The following SP6 variants were observed in gnomAD, a reference collection of about 807,000 sequenced individuals.
The protein encoded by SP6 is transcription factor Sp6.
SP6 carries 10 observed loss-of-function variants against 23.4 expected under a neutral mutation model. The ratio of observed to expected loss-of-function variants is 0.43; its 90% CI spans 0.26 to 0.72. SP6 has a LOEUF of 0.72. Among genes scored for constraint, SP6 ranks in the 30% least tolerant of loss-of-function variants. The pLI is 0.23. For missense variants in SP6, 482 were observed against 523.8 expected (o/e 0.92, Z 0.78); for synonymous variants, 238 against 238.7 (o/e 1.00, Z 0.03).
At chr17:47,867,061 G>A in the SP6 span, among the ~76,000 whole-genome samples, 52 of 152,276 alleles carry the variant, frequency 3.4e-4, no homozygotes, top group African/African-American at 1.0e-3. Flanking sequence ...TTGTGCGGCC[G>A]GCTGGGACGT....
At position 47,846,531 on chromosome 17, in the gene SP6, T is replaced by G. The variant is rs1795877000; in HGVS notation, c.*768A>C. 2 of 152,036 alleles carry G rather than the reference T, an allele frequency of 1.3e-5. No individual in the cohort carries two copies. Among genetic ancestry groups the G allele is most frequent in the Non-Finnish European group, 2.9e-5 (2 of 67,988 alleles). 9.4% of individuals were successfully genotyped at this position (152,036 alleles called of 1,614,324 possible). The stretch of plus-strand genomic sequence containing the variant: ...TTAGTTCCTTCCATACCCCACCAAA[T>G]CCCTATCTCTCATTTTAGAAGAGGA... On this transcript the variant is annotated 3_prime_UTR_variant, in exon 2 of 2. Coordinates refer to ENST00000536300, the MANE Select transcript of SP6 (RefSeq NM_001258248.2).
rs1317366544 is a variant in SP6 at position 47,848,453 on chromosome 17, G to A, written c.-24C>T. 2 of 1,475,224 alleles carry A rather than the reference G, an allele frequency of 1.4e-6. No homozygotes were observed. Among genetic ancestry groups the A allele is most frequent in the Non-Finnish European group, 9.0e-7 (1 of 1,110,200 alleles). The allele number at this position is 1,475,224 out of a possible 1,614,324, so 91.4% of individuals were successfully genotyped here. ...ATTGCCGGGATCCGGGGTGGGGTGAGGGCAGGGACGGTCAGGGGCACCTCA... is the reference window on the plus strand; with the variant it reads ...ATTGCCGGGATCCGGGGTGGGGTGAAGGCAGGGACGGTCAGGGGCACCTCA... On this transcript the variant is annotated 5_prime_UTR_variant, in exon 2 of 2. Coordinates refer to ENST00000536300, the MANE Select transcript of SP6 (RefSeq NM_001258248.2). This position sits in a 1 kb window ranked among gnomAD's most constrained non-coding sequence, Gnocchi z 5.3.
chr17:47,875,612 C>CTGT, the SP6 span, among the ~76,000 whole-genome samples: 1 of 152,234 alleles, frequency 6.6e-6, no homozygotes, highest in East Asian at 1.9e-4. Context: ...AGCAGCAACG[C>CTGT]TGGATGGCCC....
chr17:47,852,039 C>G (rs963841414), upstream of SP6, among the ~76,000 whole-genome samples: 3 of 152,114 alleles, frequency 2.0e-5, no homozygotes, highest in African/African-American at 7.2e-5. Context: ...CCCTCGCCCC[C>G]GAGCACCCGG....
the SP6 span, among the ~76,000 whole-genome samples, chr17:47,872,271 A>G: frequency 6.6e-6 from 1 of 152,000 alleles, no homozygotes; most frequent in East Asian, 1.9e-4. Flanking sequence ...CGGGTTGGGG[A>G]TGTATCCAAA....
chr17:47,872,458 C>T, the SP6 span, among the ~76,000 whole-genome samples: 1 of 152,086 alleles, frequency 6.6e-6, no homozygotes, highest in Non-Finnish European at 1.5e-5. Flanking sequence ...AGCTACAGGC[C>T]GGGCGGGGGT....
chr17:47,858,309 T>G (rs1257747608), upstream of SP6, among the ~76,000 whole-genome samples: 4 of 152,060 alleles, frequency 2.6e-5, no homozygotes, highest in Non-Finnish European at 5.9e-5. Flanking sequence ...CACCAACTGC[T>G]TTCTGCTTTC....
chr17:47,847,590 G>C lies in SP6; in HGVS notation c.840C>G (p.Gly280=), dbSNP rs763720175. The change falls in exon 2 of 2, where the codon GGC becomes GGG. Residue 280 remains glycine (G), a synonymous_variant. Coordinates refer to ENST00000536300, the MANE Select transcript of SP6 (RefSeq NM_001258248.2). ...HLKAHLRWHS[G]DRPFVCNWLF... ...GCCAGTTGCACACGAAGGGACGGTC[G>C]CCGCTGTGCCAGCGCAGGTGCGCCT... is the stretch of plus-strand genomic sequence containing the variant. The C allele has an allele frequency of 1.9e-6, 3 of 1,613,500 alleles. No individual in the cohort carries two copies. The highest frequency in any genetic ancestry group is 2.5e-6 in the Non-Finnish European group (3 of 1,179,968).
rs1349322424 is a variant in SP6 at position 47,846,429 on chromosome 17, G to C, written c.*870C>G. The C allele has an allele frequency of 2.0e-5, 3 of 152,214 alleles. No homozygotes were observed. In the East Asian group the frequency reaches 5.8e-4, roughly 29 times the overall value. The allele number at this position is 152,214 out of a possible 1,614,324, so 9.4% of individuals were successfully genotyped here. The stretch of plus-strand genomic sequence containing the variant: ...GAAAACACACCTAGGGTAATAGATG[G>C]GGAATGTGAGACTACTGAACTTTAT... On this transcript the variant is annotated 3_prime_UTR_variant, in exon 2 of 2. Coordinates refer to ENST00000536300, the MANE Select transcript of SP6 (RefSeq NM_001258248.2).
chr17:47,864,961 G>T, the SP6 span: 1 of 152,384 alleles, frequency 6.6e-6, no homozygotes, highest in Non-Finnish European at 1.5e-5. Context: ...AGATCCTGGG[G>T]CAGTTGGCAT....
At position 47,848,463 on chromosome 17, in the gene SP6, G is replaced by A; in HGVS notation, c.-34C>T. ...TCCGGGGTGGGGTGAGGGCAGGGAC[G>A]GTCAGGGGCACCTCAGACGGGACCT... On this transcript the variant is annotated 5_prime_UTR_variant, in exon 2 of 2. Coordinates refer to ENST00000536300, the MANE Select transcript of SP6 (RefSeq NM_001258248.2). This position sits in a 1 kb window ranked among gnomAD's most constrained non-coding sequence, Gnocchi z 5.3. 6.8e-7 allele frequency: 1 copy of A among 1,464,088 alleles called. No homozygotes were observed. Among genetic ancestry groups the A allele is most frequent in the Non-Finnish European group, 9.1e-7 (1 of 1,104,534 alleles). The allele number at this position is 1,464,088 out of a possible 1,614,324, so 90.7% of individuals were successfully genotyped here. A position where few individuals can be genotyped will look rare whatever the true frequency, so the allele number is the denominator to read the frequency against.
At chr17:47,860,385 G>A (rs2143667782), upstream of SP6, among the ~76,000 whole-genome samples, 1 of 152,304 alleles carries the variant, frequency 6.6e-6, no homozygotes, top group Non-Finnish European at 1.5e-5. Context: ...AATTAGCTGT[G>A]TGCATGTGTA....
the SP6 span, among the ~76,000 whole-genome samples, chr17:47,873,591 A>C: frequency 6.6e-6 from 1 of 152,030 alleles, no homozygotes; most frequent in Non-Finnish European, 1.5e-5. Flanking sequence ...CCAAGCCTCA[A>C]TTTCTCTGAA....
chr17:47,853,999 C>T (rs2033980848), upstream of SP6, among the ~76,000 whole-genome samples: 1 of 152,202 alleles, frequency 6.6e-6, no homozygotes, highest in Admixed American at 6.5e-5. Flanking sequence ...GTCACCACAG[C>T]CCATTGCCCA....
In SP6 at chr17:47,847,947, A is replaced by C; in HGVS notation, c.483T>G (p.Leu161=). ...CATGCGGGTGGGGTGGCGGGGCACA[A>C]AGCTGGTGGTCTCCGACGTAGCCCC... is the stretch of plus-strand genomic sequence containing the variant. The part of the protein sequence containing the change: ...GLGGYVGDHQ[L]CAPPPHPHAH... Residue 161 remains leucine, a synonymous_variant, in exon 2 of 2, where the codon CTT becomes CTG. Coordinates refer to ENST00000536300, the MANE Select transcript of SP6 (RefSeq NM_001258248.2). 6.4e-7 allele frequency: 1 copy of C among 1,571,130 alleles called. No homozygotes were observed. The highest frequency in any genetic ancestry group is 8.6e-7 in the Non-Finnish European group (1 of 1,158,252).
rs2033876740 is a variant in SP6, at chr17:47,845,600, C to G, written c.*1699G>C. 1 of 152,546 alleles carries G rather than the reference C, an allele frequency of 6.6e-6. No individual in the cohort carries two copies. The highest frequency in any genetic ancestry group is 6.5e-5 in the Admixed American group (1 of 15,276). 9.4% of individuals were successfully genotyped at this position (152,546 alleles called of 1,614,324 possible). On this transcript the variant is annotated 3_prime_UTR_variant, in exon 2 of 2. Coordinates refer to ENST00000536300, the MANE Select transcript of SP6 (RefSeq NM_001258248.2). ...AGCATCTACAAAGGAGGAAGAGATGCTGGGCCCAGATCCCAGGATCTTGGA... is the reference window on the plus strand; with the variant it reads ...AGCATCTACAAAGGAGGAAGAGATGGTGGGCCCAGATCCCAGGATCTTGGA...
the SP6 span, among the ~76,000 whole-genome samples, chr17:47,862,215 G>T: frequency 6.6e-6 from 1 of 151,914 alleles, no homozygotes; most frequent in African/African-American, 2.4e-5. Flanking sequence ...CTGGTGGCGG[G>T]TGCCTATAAT....
At chr17:47,870,523 T>G in the SP6 span, among the ~76,000 whole-genome samples, 1 of 152,104 alleles carries the variant, frequency 6.6e-6, no homozygotes, top group Admixed American at 6.6e-5. Flanking sequence ...TCCTGATAAC[T>G]GGGGTGGTAA....
upstream of SP6, among the ~76,000 whole-genome samples, chr17:47,855,166 C>G (rs2033989304): frequency 6.6e-6 from 1 of 152,174 alleles, no homozygotes; most frequent in Non-Finnish European, 1.5e-5. Flanking sequence ...ATGAACCCAC[C>G]TGAGGATAGT....
Sources: gnomAD v4.1 joint callset for allele counts (sites outside exome capture counted in the v4.1 genomes callset) on GRCh38, gnomAD v4.1.1 for gene constraint, Gnocchi (gnomAD v3.1) non-coding constraint, MANE v1.5 for transcripts, NCBI Gene and HGNC (gene_info 2026-07-23, HGNC 2026-07-21) for gene names.